Variants in STK4 observed in about 807,000 individuals in gnomAD.
STK4 encodes serine/threonine kinase 4.
A neutral mutation model predicts 64.9 loss-of-function variants in STK4; 30 were observed. The observed-to-expected ratio is 0.46, with a 90% confidence interval of 0.35 to 0.63. The LOEUF (loss-of-function observed/expected upper bound fraction) is 0.63, where lower values mean the gene tolerates loss of function less well. Among genes scored for constraint, STK4 ranks in the 20% least tolerant of loss-of-function variants. The pLI, the probability that STK4 is intolerant of heterozygous loss-of-function variation, is 0.01. For synonymous variants in STK4, 177 were observed against 199.0 expected (o/e 0.89, Z 0.93); for missense variants, 466 against 598.5 (o/e 0.78, Z 2.31).
chr20:45,021,549 A>C (rs1425523114), intron 9 of STK4, among the ~76,000 whole-genome samples: 1 of 152,228 alleles, frequency 6.6e-6, no homozygotes, highest in African/African-American at 2.4e-5. Flanking sequence ...TTGCCAGTTA[A>C]GGTGGCTTCC....
chr20:45,000,586 G>T, intron 8 of STK4, 66 bp downstream of exon 8: 3 of 1,599,904 alleles, frequency 1.9e-6, no homozygotes, highest in Non-Finnish European at 2.6e-6. Flanking sequence ...TGCCAAACCA[G>T]GTAAGATGAG....
intron 2 of STK4, chr20:44,975,815 G>C (rs961120999): frequency 6.6e-6 from 1 of 152,178 alleles, no homozygotes; most frequent in Non-Finnish European, 1.5e-5. Flanking sequence ...ATAAGACCTG[G>C]TTTAAGTTGT....
chr20:45,061,314 T>C (rs754505242), intron 10 of STK4, among the ~76,000 whole-genome samples: 24 of 152,214 alleles, frequency 1.6e-4, no homozygotes, highest in Non-Finnish European at 2.2e-4. Context: ...ATGGTTTTGC[T>C]TTCCATGGCT....
chr20:45,003,712 ATTTTTTTTTT>A (rs750273528), intron 9 of STK4, among the ~76,000 whole-genome samples: 1 of 136,090 alleles, frequency 7.3e-6, no homozygotes, highest in East Asian at 2.1e-4. Flanking sequence ...ACGTCTCTAA[ATTTTTTTTTT>A]TTTTTTTTTT....
intron 10 of STK4, chr20:45,053,204 C>T: frequency 6.3e-7 from 1 of 1,580,436 alleles, no homozygotes; most frequent in South Asian, 1.1e-5. Context: ...ATCTTTGTCT[C>T]AGAACCACAG....
At chr20:44,996,396 T>C (rs535905293) in intron 6 of STK4, among the ~76,000 whole-genome samples, 18 of 152,232 alleles carry the variant, frequency 1.2e-4, no homozygotes, top group Non-Finnish European at 2.2e-4. Flanking sequence ...TTACCACAGC[T>C]CTTCCTCTTC....
intron 10 of STK4, among the ~76,000 whole-genome samples, chr20:45,034,100 C>G (rs2068489072): frequency 1.3e-5 from 2 of 151,906 alleles, no homozygotes; most frequent in Non-Finnish European, 2.9e-5. Flanking sequence ...CCCTGTAATT[C>G]AGAACCTGTG....
chr20:45,066,032 G>T (rs1430053048), intron 10 of STK4, among the ~76,000 whole-genome samples: 1 of 152,036 alleles, frequency 6.6e-6, no homozygotes, highest in African/African-American at 2.4e-5. Context: ...ATTTGCCAAA[G>T]AGAAGCTGTA....
intron 7 of STK4, among the ~76,000 whole-genome samples, chr20:44,998,651 T>C (rs1208998283): frequency 6.6e-6 from 1 of 152,220 alleles, no homozygotes; most frequent in African/African-American, 2.4e-5. Context: ...AAAATAAAGA[T>C]AATTTATAAT....
rs1277037412 is a variant in STK4, at chr20:45,056,021, G to A, written c.1306-18997G>A. 3.3e-5 allele frequency among the ~76,000 whole-genome samples: 5 copies of A among 152,132 alleles called. No individual in the cohort carries two copies. In the East Asian group the frequency reaches 7.7e-4, roughly 23 times the overall value. On this transcript the variant is annotated intron_variant, in intron 10 of 10. Coordinates refer to ENST00000372806, the MANE Select transcript of STK4 (RefSeq NM_006282.5). Reference sequence around the variant, plus strand: ...GTTGGGATTACCAGCGTGAGCCCCCGCGCCGGGCCCAATTATCTTTCTTTT... The same window carrying A: ...GTTGGGATTACCAGCGTGAGCCCCCACGCCGGGCCCAATTATCTTTCTTTT...
chr20:45,030,337 C>T (rs940360118), intron 10 of STK4, among the ~76,000 whole-genome samples: 2 of 151,710 alleles, frequency 1.3e-5, no homozygotes, highest in African/African-American at 4.9e-5. Flanking sequence ...AACACCTGAC[C>T]TTGTGATCCA....
rs1409364990 is a variant in STK4, at chr20:45,025,089, T to G, written c.1264T>G (p.Ser422Ala). Residue 422 changes from serine (S) to alanine (A), a missense_variant, in exon 10 of 11, where the codon TCT becomes GCT. Physicochemically the swap from Ser to Ala is moderately conservative, Grantham distance 99 (BLOSUM62 1). Coordinates refer to ENST00000372806, the MANE Select transcript of STK4 (RefSeq NM_006282.5). Reference sequence around the variant, plus strand: ...GAGTGTACCTGGTCCACTGAAAAATTCTTCAGATTGGAAAATACCACAGGA... The same window carrying G: ...GAGTGTACCTGGTCCACTGAAAAATGCTTCAGATTGGAAAATACCACAGGA... ...GKSVPGPLKN[S>A]SDWKIPQDGD... The G allele has an allele frequency of 1.2e-6, 2 of 1,613,104 alleles. No individual in the cohort carries two copies. The highest frequency in any genetic ancestry group is 1.7e-6 in the Non-Finnish European group (2 of 1,179,598).
At chr20:45,018,299 A>G (rs1297925157) in intron 9 of STK4, among the ~76,000 whole-genome samples, 1 of 152,230 alleles carries the variant, frequency 6.6e-6, no homozygotes, top group Non-Finnish European at 1.5e-5. Flanking sequence ...TGGTTTGCAC[A>G]GAATTAATTA....
In STK4 at chr20:45,075,895, G is replaced by A. The variant is rs1980476360; in HGVS notation, c.*719G>A. The A allele has an allele frequency of 6.6e-6, 1 of 152,638 alleles. No homozygotes were observed. The highest frequency in any genetic ancestry group is 1.5e-5 in the Non-Finnish European group (1 of 68,084). 9.5% of individuals were successfully genotyped at this position (152,638 alleles called of 1,614,324 possible). A position where few individuals can be genotyped will look rare whatever the true frequency, so the allele number is the denominator to read the frequency against. On this transcript the variant is annotated 3_prime_UTR_variant, in exon 11 of 11. Transcript: ENST00000372806. ...AAGCCTGGCACCCTCTTTGCAAATT[G>A]GCCTTTGCTCTTTCAATGCCTTTCA...
intron 4 of STK4, among the ~76,000 whole-genome samples, chr20:44,984,036 A>G (rs2067485797): frequency 6.6e-6 from 1 of 151,912 alleles, no homozygotes; most frequent in Non-Finnish European, 1.5e-5. Flanking sequence ...TATATGCAGC[A>G]TTAAGTCAAT....
At chr20:45,008,388 G>A (rs1325365946) in intron 9 of STK4, among the ~76,000 whole-genome samples, 1 of 152,118 alleles carries the variant, frequency 6.6e-6, no homozygotes, top group Non-Finnish European at 1.5e-5. Context: ...TGCTTACACG[G>A]ATGGTTGCGT....
rs11397664 is a variant in STK4 at position 44,984,186 on chromosome 20, G to GTTTTTTTTTTTTTT, written c.360+2253_360+2266dup. Reference sequence around the variant, plus strand: ...GTGCTGGTTTTTTGTTGTTGTCGTTGTTTTTTTTTTTTTTTTTTTTTTTGA... The same window carrying GTTTTTTTTTTTTTT: ...GTGCTGGTTTTTTGTTGTTGTCGTTGTTTTTTTTTTTTTTTTTTTTTTTTTTTTTTTTTTTTTGA... On this transcript the variant is annotated intron_variant, in intron 4 of 10. Coordinates refer to ENST00000372806, the MANE Select transcript of STK4 (RefSeq NM_006282.5). 1.6e-4 allele frequency among the ~76,000 whole-genome samples: 12 copies of GTTTTTTTTTTTTTT among 76,054 alleles called. 1 individual carries two copies. The highest frequency in any genetic ancestry group is 2.1e-4 in the Non-Finnish European group (9 of 43,310). The allele number at this position is 76,054 out of a possible 152,430, so 49.9% of individuals were successfully genotyped here.
At chr20:45,026,888 C>T (rs2068357569) in intron 10 of STK4, among the ~76,000 whole-genome samples, 1 of 152,180 alleles carries the variant, frequency 6.6e-6, no homozygotes, top group African/African-American at 2.4e-5. Context: ...TAACACAGCA[C>T]ACCAGGCTGC....
chr20:45,052,215 T>TTA (rs2068787306), intron 10 of STK4, among the ~76,000 whole-genome samples: 1 of 152,164 alleles, frequency 6.6e-6, no homozygotes, highest in Admixed American at 6.5e-5. Context: ...AACACACTCA[T>TTA]TATAGAAAGT....
Sources: gnomAD v4.1 joint callset for allele counts (sites outside exome capture counted in the v4.1 genomes callset) on GRCh38, gnomAD v4.1.1 for gene constraint, MANE v1.5 for transcripts, NCBI Gene and HGNC (gene_info 2026-07-23, HGNC 2026-07-21) for gene names.